KHDRBS2: variants seen among roughly 807,000 people sequenced by gnomAD.
KHDRBS2 encodes the protein KH domain-containing, RNA-binding, signal transduction-associated protein 2.
A neutral mutation model predicts 44.3 loss-of-function variants in KHDRBS2; 26 were observed. The observed-to-expected ratio is 0.59, with a 90% CI of 0.43 to 0.81. KHDRBS2 has a LOEUF of 0.81. Among genes scored for constraint, KHDRBS2 ranks in the 40% least tolerant of loss-of-function variants. The probability of loss-of-function intolerance (pLI) is 0.00; values close to 1 mark genes in which losing one functional copy is unlikely to be tolerated. For synonymous variants in KHDRBS2, 194 were observed against 151.1 expected (o/e 1.28, Z -2.08); for missense variants, 476 against 433.1 (o/e 1.10, Z -0.88).
At chr6:62,142,436 G>A (rs1190935375) in intron 2 of KHDRBS2, among the ~76,000 whole-genome samples, 3 of 151,978 alleles carry the variant, frequency 2.0e-5, no homozygotes, top group Non-Finnish European at 4.4e-5. Flanking sequence ...AGAACCTTTA[G>A]GTGTCATCCA....
Position 61,929,144 on chromosome 6 carries a change from C to G in KHDRBS2, c.484-27773G>C, listed in dbSNP as rs554092247. Among the ~76,000 whole-genome samples the G allele has an allele frequency of 1.6e-4, 25 of 152,014 alleles. No homozygotes were observed. In the South Asian group the frequency reaches 4.6e-3, roughly 28 times the overall value. On this transcript the variant is annotated intron_variant, in intron 4 of 8. Coordinates refer to ENST00000281156, the MANE Select transcript of KHDRBS2 (RefSeq NM_152688.4). ...AAGTTGAATATAATGTAGGTTTGCT[C>G]CTGTGTGGTTATAAAAGTCACCAGA...
chr6:62,061,272 T>C (rs530440559), intron 2 of KHDRBS2, among the ~76,000 whole-genome samples: 3,819 of 151,942 alleles, frequency 0.025, 170 homozygotes, highest in African/African-American at 0.085. Context: ...CTAGTCTCGA[T>C]GGTCTTTACA....
intron 1 of KHDRBS2, among the ~76,000 whole-genome samples, chr6:62,179,360 T>C (rs913718996): frequency 9.9e-5 from 15 of 151,760 alleles, no homozygotes; most frequent in Non-Finnish European, 1.9e-4. Context: ...ATCAGATTCC[T>C]ATATTCTACA....
At chr6:61,870,829 C>T (rs572354326) in intron 6 of KHDRBS2, among the ~76,000 whole-genome samples, 1 of 152,184 alleles carries the variant, frequency 6.6e-6, no homozygotes, top group African/African-American at 2.4e-5. Flanking sequence ...AATAGCACAT[C>T]CACTCAGAGA....
chr6:62,037,426 A>C (rs1471268816), intron 3 of KHDRBS2, among the ~76,000 whole-genome samples: 1 of 151,932 alleles, frequency 6.6e-6, no homozygotes, highest in Non-Finnish European at 1.5e-5. Flanking sequence ...AAATTCTGAA[A>C]AAAAAATATT....
At chr6:61,676,538 A>T (rs149639676), downstream of KHDRBS2, among the ~76,000 whole-genome samples, 5 of 151,934 alleles carry the variant, frequency 3.3e-5, no homozygotes, top group East Asian at 9.8e-4. Context: ...CAACATCTGC[A>T]TCCTGGCCAG....
chr6:61,566,944 A>C, the KHDRBS2 span, among the ~76,000 whole-genome samples: 1 of 152,204 alleles, frequency 6.6e-6, no homozygotes, highest in Non-Finnish European at 1.5e-5. Flanking sequence ...ATAGGGAAGA[A>C]AGACTGAACC....
At chr6:62,146,412 A>G (rs544316736) in intron 2 of KHDRBS2, among the ~76,000 whole-genome samples, 28 of 151,660 alleles carry the variant, frequency 1.8e-4, no homozygotes, top group African/African-American at 6.8e-4. Context: ...TCTCTCTACT[A>G]TTCCTTACCT....
chr6:61,867,593 G>A (rs929194286), intron 6 of KHDRBS2, among the ~76,000 whole-genome samples: 2 of 152,176 alleles, frequency 1.3e-5, no homozygotes, highest in Non-Finnish European at 2.9e-5. Flanking sequence ...GGGCTTATCT[G>A]CCTTCCATCT....
intron 6 of KHDRBS2, among the ~76,000 whole-genome samples, chr6:61,738,333 G>GAGAT (rs923701099): frequency 3.9e-5 from 6 of 151,900 alleles, no homozygotes; most frequent in African/African-American, 1.4e-4. Flanking sequence ...AATACTCAAG[G>GAGAT]AGATATGATT....
intron 4 of KHDRBS2, among the ~76,000 whole-genome samples, chr6:61,960,079 C>T (rs1434419737): frequency 1.5e-5 from 1 of 67,556 alleles, no homozygotes; most frequent in Non-Finnish European, 2.8e-5. Context: ...CAAATATTTC[C>T]CTGTACTTTT....
At chr6:61,943,117 AAAAAG>A (rs1812495789) in intron 4 of KHDRBS2, among the ~76,000 whole-genome samples, 1 of 151,698 alleles carries the variant, frequency 6.6e-6, no homozygotes, top group South Asian at 2.1e-4. Context: ...AAAGAAAAGA[AAAAAG>A]AAAAGAAAGA....
the KHDRBS2 span, among the ~76,000 whole-genome samples, chr6:61,571,261 G>C: frequency 6.6e-6 from 1 of 152,060 alleles, no homozygotes; most frequent in Admixed American, 6.6e-5. Context: ...AAAGCATGCA[G>C]AAGTAGCTAT....
the KHDRBS2 span, among the ~76,000 whole-genome samples, chr6:61,620,948 C>A: frequency 6.6e-6 from 1 of 152,210 alleles, no homozygotes; most frequent in African/African-American, 2.4e-5. Context: ...CTTCTCTATT[C>A]CTACCCCTCT....
chr6:62,103,682 G>A (rs1802447505), intron 2 of KHDRBS2, among the ~76,000 whole-genome samples: 2 of 152,002 alleles, frequency 1.3e-5, no homozygotes, highest in African/African-American at 4.8e-5. Flanking sequence ...CTGGCTCCCT[G>A]TGGCTCTGCA....
At chr6:62,098,479 G>C (rs1801148193) in intron 2 of KHDRBS2, among the ~76,000 whole-genome samples, 1 of 144,000 alleles carries the variant, frequency 6.9e-6, no homozygotes, top group Admixed American at 7.1e-5. Flanking sequence ...ACTCCCTCCT[G>C]GCCTGTAAGA....
chr6:62,226,065 G>C (rs1831752005), intron 1 of KHDRBS2, among the ~76,000 whole-genome samples: 1 of 152,160 alleles, frequency 6.6e-6, no homozygotes, highest in African/African-American at 2.4e-5. Context: ...TAATGGGATG[G>C]CTGGGTCAAA....
chr6:61,929,553 G>T (rs1253681562), intron 4 of KHDRBS2, among the ~76,000 whole-genome samples: 1 of 152,098 alleles, frequency 6.6e-6, no homozygotes, highest in Admixed American at 6.6e-5. Context: ...TAAACTTGCT[G>T]GGAAATAGGA....
intron 2 of KHDRBS2, among the ~76,000 whole-genome samples, chr6:62,050,444 G>C (rs746932531): frequency 6.6e-6 from 1 of 151,050 alleles, no homozygotes; most frequent in Non-Finnish European, 1.5e-5. Context: ...AAAAAAAAGG[G>C]GGTGAGAAAA....
Sources: gnomAD v4.1 joint callset for allele counts (sites outside exome capture counted in the v4.1 genomes callset) on GRCh38, gnomAD v4.1.1 for gene constraint, MANE v1.5 for transcripts, NCBI Gene and HGNC (gene_info 2026-07-23, HGNC 2026-07-21) for gene names.